FGR: variants seen among roughly 807,000 people sequenced by gnomAD.
The protein encoded by FGR is tyrosine-protein kinase Fgr.
FGR carries 26 observed loss-of-function variants against 63.2 expected under a neutral mutation model. The observed-to-expected ratio is 0.41, with a 90% CI of 0.30 to 0.57. The LOEUF is 0.57. Among genes scored for constraint, FGR ranks in the 20% least tolerant of loss-of-function variants. FGR has a pLI of 0.27. For missense variants in FGR, 511 were observed against 690.8 expected (o/e 0.74, Z 2.92); for synonymous variants, 286 against 277.7 (o/e 1.03, Z -0.30).
intron 5 of FGR, among the ~76,000 whole-genome samples, chr1:27,620,395 C>T (rs2089899087): frequency 6.6e-6 from 1 of 152,092 alleles, no homozygotes; most frequent in Admixed American, 6.5e-5. Context: ...GAGAGGACTG[C>T]TTGAGCTCAG....
At chr1:27,622,140 T>C (rs561094897) in intron 4 of FGR, among the ~76,000 whole-genome samples, 2 of 152,132 alleles carry the variant, frequency 1.3e-5, no homozygotes, top group South Asian at 4.1e-4. Flanking sequence ...GGTGAAACCC[T>C]ATCTTTACTG....
rs140958234 is a variant in FGR, at chr1:27,613,070, C to T, written c.1434G>A (p.Pro478=). 6.2e-4 allele frequency: 1,002 copies of T among 1,614,050 alleles called. 2 individuals carry two copies. Among genetic ancestry groups the T allele is most frequent in the Non-Finnish European group, 7.8e-4 (923 of 1,180,024 alleles). ...GGGATGCTGGGCAGCCTGGAGGGCA[C>T]GGCATGTGGTAGCCCTGCTCCACCT... The part of the protein sequence containing the change: ...LEQVEQGYHM[P]CPPGCPASLY... Residue 478 remains proline, a synonymous_variant, in exon 13 of 13, where the codon CCG becomes CCA. Transcript: ENST00000374005.
Position 27,616,269 on chromosome 1 carries a change from C to A in FGR, c.683-425G>T, listed in dbSNP as rs1407513403. Among the ~76,000 whole-genome samples, 4 of 152,222 alleles carry A rather than the reference C, an allele frequency of 2.6e-5. No homozygotes were observed. Among genetic ancestry groups the A allele is most frequent in the Non-Finnish European group, 5.9e-5 (4 of 68,026 alleles). On this transcript the variant is annotated intron_variant, in intron 7 of 12. Transcript: ENST00000374005. This position sits in a 1 kb window ranked among gnomAD's most constrained non-coding sequence, Gnocchi z 4.3. ...TGGGCATTGACTCCTGCCTTCCCTT[C>A]ACCCCCACAGCCAATTCTCCACCAA...
chr1:27,618,159 G>A (rs1469677931), intron 5 of FGR, among the ~76,000 whole-genome samples: 2 of 152,168 alleles, frequency 1.3e-5, no homozygotes, highest in African/African-American at 4.8e-5. Flanking sequence ...AACAGGGGAA[G>A]GCATTGGCAA....
intron 1 of FGR, among the ~76,000 whole-genome samples, chr1:27,629,588 T>C (rs960759340): frequency 3.9e-5 from 6 of 152,106 alleles, no homozygotes; most frequent in African/African-American, 9.7e-5. Context: ...TGCATGAAAA[T>C]AGCCCTAGGA....
At chr1:27,630,624 G>A (rs1341321250) in intron 1 of FGR, among the ~76,000 whole-genome samples, 1 of 152,020 alleles carries the variant, frequency 6.6e-6, no homozygotes, top group Non-Finnish European at 1.5e-5. Flanking sequence ...ATTTTCTCAG[G>A]CAGTCGCTGA....
chr1:27,626,845 G>A (rs2090028813), intron 1 of FGR, among the ~76,000 whole-genome samples: 2 of 151,990 alleles, frequency 1.3e-5, no homozygotes, highest in African/African-American at 4.8e-5. Flanking sequence ...TTCAGGAACT[G>A]GTGAAAAGAG....
rs780133651 is a variant in FGR, at chr1:27,615,644, TC to T, written c.839-32del. On this transcript the variant is annotated intron_variant, in intron 8 of 12. Coordinates refer to ENST00000374005, the MANE Select transcript of FGR (RefSeq NM_005248.3). The surrounding 1 kb of genome is among the most constrained non-coding windows in gnomAD (Gnocchi z 7.6). ...CGGAGGCTGTCTTGTCAGGACCCTCTCCCCCGAGCCCAGGCCCTCGTCCCGG... is the reference window on the plus strand; with the variant it reads ...CGGAGGCTGTCTTGTCAGGACCCTCTCCCCGAGCCCAGGCCCTCGTCCCGG... 4 of 1,594,124 alleles carry T rather than the reference TC, an allele frequency of 2.5e-6. No homozygotes were observed. Among genetic ancestry groups the T allele is most frequent in the Non-Finnish European group, 3.4e-6 (4 of 1,164,524 alleles).
At chr1:27,627,102 G>T (rs368086498) in intron 1 of FGR, among the ~76,000 whole-genome samples, 1 of 152,124 alleles carries the variant, frequency 6.6e-6, no homozygotes, top group Non-Finnish European at 1.5e-5. Flanking sequence ...AAGCCTGGGA[G>T]TTCGAGGCTG....
intron 1 of FGR, among the ~76,000 whole-genome samples, chr1:27,632,137 CTTCTT>C (rs1557741869): frequency 6.7e-6 from 1 of 148,320 alleles, no homozygotes; most frequent in Non-Finnish European, 1.5e-5. Flanking sequence ...TCTTCTTCTT[CTTCTT>C]TTTTTTTTTT....
rs1471493539 is a variant in FGR at position 27,615,045 on chromosome 1, C to G, written c.1019-119G>C. ...TGGACCCGCCCCTCACTTAGGACCC[C>G]GCGGGTGCCTCAACCCCTCACTTGT... On this transcript the variant is annotated intron_variant, in intron 9 of 12. Coordinates refer to ENST00000374005, the MANE Select transcript of FGR (RefSeq NM_005248.3). This position sits in a 1 kb window ranked among gnomAD's most constrained non-coding sequence, Gnocchi z 7.6. The G allele has an allele frequency of 1.7e-5, 13 of 775,134 alleles. No homozygotes were observed. The highest frequency in any genetic ancestry group is 2.2e-5 in the Non-Finnish European group (10 of 454,224). The allele number at this position is 775,134 out of a possible 1,614,324, so 48.0% of individuals were successfully genotyped here. A position where few individuals can be genotyped will look rare whatever the true frequency, so the allele number is the denominator to read the frequency against.
chr1:27,617,256 G>C lies in FGR; in HGVS notation c.469C>G (p.Gln157Glu). 6.2e-7 allele frequency: 1 copy of C among 1,614,182 alleles called. No individual in the cohort carries two copies. The highest frequency in any genetic ancestry group is 8.5e-7 in the Non-Finnish European group (1 of 1,180,012). The part of the protein sequence containing the change: ...GKIGRKDAER[Q>E]LLSPGNPQGA... The stretch of plus-strand genomic sequence containing the variant: ...TGGGGGTTGCCTGGTGAAAGCAGCT[G>C]CCTCTCTGCATCCTTTCTCCCAATC... Residue 157 changes from glutamine (Q) to glutamate (E), a missense_variant, in exon 6 of 13, where the codon CAG becomes GAG. By Grantham distance (29) the Gln-to-Glu change is conservative (BLOSUM62 2). Coordinates refer to ENST00000374005, the MANE Select transcript of FGR (RefSeq NM_005248.3). The surrounding 1 kb of genome is among the most constrained non-coding windows in gnomAD (Gnocchi z 4.5).
intron 3 of FGR, 54 bp downstream of exon 3, chr1:27,623,637 C>T: frequency 6.3e-7 from 1 of 1,577,094 alleles, no homozygotes; most frequent in African/African-American, 1.3e-5. Context: ...CTTCTTCTTC[C>T]CTCAGTTTCT....
intron 1 of FGR, among the ~76,000 whole-genome samples, chr1:27,630,548 A>G (rs1413600542): frequency 6.6e-6 from 1 of 151,636 alleles, no homozygotes; most frequent in Non-Finnish European, 1.5e-5. Context: ...TTGATACAGC[A>G]GGCAGGGCGC....
rs1281748861 is a variant in FGR at position 27,616,592 on chromosome 1, C to T, written c.682+265G>A. On this transcript the variant is annotated intron_variant, in intron 7 of 12. Transcript: ENST00000374005. The surrounding 1 kb of genome is among the most constrained non-coding windows in gnomAD (Gnocchi z 4.3). The stretch of plus-strand genomic sequence containing the variant: ...GGGGCATTCAGGCGGCACAAACACT[C>T]CATCAAGTTTCCACAAATTGAGGCC... Among the ~76,000 whole-genome samples, 1 of 152,234 alleles carries T rather than the reference C, an allele frequency of 6.6e-6. No homozygotes were observed. Among genetic ancestry groups the T allele is most frequent in the Non-Finnish European group, 1.5e-5 (1 of 68,054 alleles).
At chr1:27,627,475 CACAT>C (rs2090040588) in intron 1 of FGR, among the ~76,000 whole-genome samples, 2 of 151,792 alleles carry the variant, frequency 1.3e-5, no homozygotes. Flanking sequence ...CACACACACA[CACAT>C]CCTCTATAAA....
intron 5 of FGR, among the ~76,000 whole-genome samples, chr1:27,618,620 G>A (rs761336647): frequency 7.2e-5 from 11 of 151,904 alleles, no homozygotes; most frequent in Non-Finnish European, 1.6e-4. Context: ...TCTTCTTCAC[G>A]CCTCCTACCA....
rs532366720 is a variant in FGR at position 27,612,811 on chromosome 1, G to A, written c.*103C>T. ...GCAGCCACGTCCTCGGTGATGCTAG[G>A]ACTCTATGGGGTTCTAAGCCAGCCT... On this transcript the variant is annotated 3_prime_UTR_variant, in exon 13 of 13. Transcript: ENST00000374005. The A allele has an allele frequency of 1.6e-5, 17 of 1,093,370 alleles. No homozygotes were observed. The South Asian group carries it at 2.6e-4, about 16-fold the overall frequency. The allele number at this position is 1,093,370 out of a possible 1,614,324, so 67.7% of individuals were successfully genotyped here.
intron 1 of FGR, among the ~76,000 whole-genome samples, chr1:27,628,516 T>TACACAC (rs56021900): frequency 0.033 from 2,982 of 91,226 alleles, 145 homozygotes; most frequent in African/African-American, 0.11. Flanking sequence ...CATGTAGGGA[T>TACACAC]ACACACACAC....
Sources: allele counts gnomAD v4.1 joint callset (sites outside exome capture counted in the v4.1 genomes callset), GRCh38; gene constraint gnomAD v4.1.1; non-coding constraint Gnocchi (gnomAD v3.1); transcripts MANE v1.5; gene names NCBI Gene and HGNC (gene_info 2026-07-23, HGNC 2026-07-21).